RABGAP1L: variants seen among roughly 807,000 people sequenced by gnomAD.
RABGAP1L encodes the protein rab GTPase-activating protein 1-like.
A neutral mutation model predicts 137.7 loss-of-function variants in RABGAP1L; 63 were observed. That is an observed-to-expected ratio of 0.46 (90% CI 0.37 to 0.56). The LOEUF is 0.56. RABGAP1L is among the 20% of genes least tolerant of loss of function. The pLI, the probability that RABGAP1L is intolerant of heterozygous loss-of-function variation, is 0.00. For synonymous variants in RABGAP1L, 431 were observed against 433.7 expected (o/e 0.99, Z 0.08); for missense variants, 1,095 against 1,244.0 (o/e 0.88, Z 1.80).
chr1:174,700,688 GC>G (rs1679582592), intron 16 of RABGAP1L: 1 of 162,236 alleles, frequency 6.2e-6, no homozygotes, highest in African/African-American at 2.4e-5. Context: ...TGTAAAACGA[GC>G]CATAAGTACA....
At chr1:174,394,927 A>G (rs577006754) in intron 13 of RABGAP1L, among the ~76,000 whole-genome samples, 1 of 149,052 alleles carries the variant, frequency 6.7e-6, no homozygotes, top group Non-Finnish European at 1.5e-5. Context: ...AGTGCCTAGT[A>G]TAATTATCAC....
At chr1:174,335,210 A>C (rs1403053805) in intron 11 of RABGAP1L, among the ~76,000 whole-genome samples, 2 of 152,216 alleles carry the variant, frequency 1.3e-5, no homozygotes, top group African/African-American at 4.8e-5. Context: ...TGTCAACGCA[A>C]ACATCAAAAG....
chr1:174,196,227 C>CTTTT (rs758258710), intron 1 of RABGAP1L, among the ~76,000 whole-genome samples: 5 of 141,082 alleles, frequency 3.5e-5, no homozygotes, highest in African/African-American at 1.0e-4. Flanking sequence ...TTCTTTCTTT[C>CTTTT]TTTTTTTTTT....
At chr1:174,930,082 C>T (rs1344266099) in intron 19 of RABGAP1L, among the ~76,000 whole-genome samples, 1 of 151,046 alleles carries the variant, frequency 6.6e-6, no homozygotes, top group African/African-American at 2.4e-5. Flanking sequence ...CTCCTGGGCT[C>T]ATGCAATCCA....
chr1:174,265,830 C>T (rs1033892977), intron 7 of RABGAP1L, among the ~76,000 whole-genome samples: 7 of 151,384 alleles, frequency 4.6e-5, no homozygotes, highest in African/African-American at 1.7e-4. Context: ...CTAAGATATT[C>T]TTCTTTTATA....
At chr1:174,210,000 A>C (rs1304951146) in intron 1 of RABGAP1L, among the ~76,000 whole-genome samples, 1 of 152,216 alleles carries the variant, frequency 6.6e-6, no homozygotes, top group African/African-American at 2.4e-5. Context: ...AAGACCGTCA[A>C]GGTGATACCT....
chr1:174,837,979 C>G (rs369319120), intron 19 of RABGAP1L, among the ~76,000 whole-genome samples: 46 of 152,136 alleles, frequency 3.0e-4, no homozygotes, highest in African/African-American at 1.1e-3. Context: ...AATGGATAGT[C>G]TCTTTATAGA....
intron 13 of RABGAP1L, among the ~76,000 whole-genome samples, chr1:174,445,206 C>A (rs755813908): frequency 2.0e-5 from 3 of 152,030 alleles, no homozygotes; most frequent in African/African-American, 7.2e-5. Flanking sequence ...AGTTCTAAGT[C>A]ACTTTTAAGA....
intron 13 of RABGAP1L, among the ~76,000 whole-genome samples, chr1:174,462,549 G>A (rs1656807809): frequency 6.6e-6 from 1 of 151,430 alleles, no homozygotes; most frequent in African/African-American, 2.4e-5. Flanking sequence ...AACTTTTATT[G>A]TAGGTTCAGG....
chr1:174,291,159 T>C (rs1470957903), intron 10 of RABGAP1L, among the ~76,000 whole-genome samples: 1 of 152,172 alleles, frequency 6.6e-6, no homozygotes, highest in East Asian at 1.9e-4. Context: ...CTTCTCTTGC[T>C]TAGTTTTTTT....
chr1:174,638,365 A>G (rs538937645), intron 14 of RABGAP1L, among the ~76,000 whole-genome samples: 18 of 152,320 alleles, frequency 1.2e-4, no homozygotes, highest in Admixed American at 9.2e-4. Context: ...TAAAAACAGC[A>G]CTTATAAAAG....
At chr1:174,983,778 C>A (rs560125153) in intron 24 of RABGAP1L, among the ~76,000 whole-genome samples, 1 of 152,250 alleles carries the variant, frequency 6.6e-6, no homozygotes, top group Admixed American at 6.5e-5. Context: ...TAGTACCTGA[C>A]ATACAAGACC....
At chr1:174,223,264 TAAAAAAAAAAAAAAA>T (rs550034492) in intron 3 of RABGAP1L, among the ~76,000 whole-genome samples, 3 of 39,848 alleles carry the variant, frequency 7.5e-5, no homozygotes, top group South Asian at 2.8e-3. Context: ...AGACTCTGTC[TAAAAAAAAAAAAAAA>T]AAAAAAAAAA....
At chr1:174,305,209 G>T in intron 11 of RABGAP1L, 82 bp downstream of exon 11, 1 of 1,351,580 alleles carries the variant, frequency 7.4e-7, no homozygotes, top group Non-Finnish European at 9.7e-7. Flanking sequence ...GTGTGTTGTG[G>T]GTAGAAGTGG....
At chr1:174,563,147 A>T (rs1667337217) in intron 13 of RABGAP1L, among the ~76,000 whole-genome samples, 1 of 152,282 alleles carries the variant, frequency 6.6e-6, no homozygotes, top group South Asian at 2.1e-4. Flanking sequence ...CTGGCTCTTT[A>T]CCACAAAAGT....
chr1:174,388,278 CAGA>C (rs1264072411), intron 12 of RABGAP1L, among the ~76,000 whole-genome samples: 1 of 151,664 alleles, frequency 6.6e-6, no homozygotes, highest in Non-Finnish European at 1.5e-5. Context: ...TGAATAAAGT[CAGA>C]ATTCTTATAA....
rs201685158 is a variant in RABGAP1L, at chr1:174,780,582, ATTATAC to A, written c.2211+28231_2211+28236del. ...GCTTTTGATATATATATATATTTTT[ATTATAC>A]TTTAAGTTCTAGGGTACATGTGCAC... On this transcript the variant is annotated intron_variant, in intron 18 of 25. Coordinates refer to ENST00000681986, the MANE Select transcript of RABGAP1L (RefSeq NM_001366446.1). 9.4e-3 allele frequency among the ~76,000 whole-genome samples: 1,435 copies of A among 152,134 alleles called. 21 individuals are homozygous for A. The highest frequency in any genetic ancestry group is 0.033 in the African/African-American group (1,376 of 41,492).
intron 18 of RABGAP1L, among the ~76,000 whole-genome samples, chr1:174,791,756 G>A (rs1029921526): frequency 5.9e-5 from 9 of 152,180 alleles, no homozygotes; most frequent in African/African-American, 1.4e-4. Context: ...TTACAGAGAC[G>A]CTGTGGCTGA....
intron 13 of RABGAP1L, among the ~76,000 whole-genome samples, chr1:174,605,191 C>T (rs886473983): frequency 6.6e-6 from 1 of 152,100 alleles, no homozygotes; most frequent in African/African-American, 2.4e-5. Context: ...GAAACTCCTC[C>T]TGTAAAACTG....
Sources: gnomAD v4.1 joint callset for allele counts (sites outside exome capture counted in the v4.1 genomes callset) on GRCh38, gnomAD v4.1.1 for gene constraint, MANE v1.5 for transcripts, NCBI Gene and HGNC (gene_info 2026-07-23, HGNC 2026-07-21) for gene names.